Variants in VIT observed in about 807,000 individuals in gnomAD.
The protein encoded by VIT is vitrin.
VIT carries 99 observed loss-of-function variants against 78.0 expected under a neutral mutation model. That is an observed-to-expected ratio of 1.27 (90% CI 1.08 to 1.50). The LOEUF is 1.50. Ranked by LOEUF, VIT falls within the 40% of genes most tolerant of loss-of-function variation. The pLI, the probability that VIT is intolerant of heterozygous loss-of-function variation, is 0.00. For synonymous variants in VIT, 374 were observed against 334.3 expected, an observed-to-expected ratio of 1.12 and a Z score of -1.29; for missense variants, 1,126 against 875.3, an observed-to-expected ratio of 1.29 and a Z score of -3.61.
At chr2:36,765,606 G>A (rs150353294) in intron 6 of VIT, among the ~76,000 whole-genome samples, 1 of 152,284 alleles carries the variant, frequency 6.6e-6, no homozygotes, top group East Asian at 1.9e-4. Context: ...TGAGATTTGG[G>A]TGGGGACACG....
At chr2:36,787,046 G>C (rs765581896) in intron 11 of VIT, 83 bp from the exon 12 acceptor site, 37 of 1,543,050 alleles carry the variant, frequency 2.4e-5, no homozygotes, top group Non-Finnish European at 3.1e-5. Flanking sequence ...AGGGGGCTCT[G>C]ATGGAGAAAG....
At chr2:36,742,099 T>C (rs1667868515) in intron 3 of VIT, among the ~76,000 whole-genome samples, 1 of 152,176 alleles carries the variant, frequency 6.6e-6, no homozygotes, top group African/African-American at 2.4e-5. Flanking sequence ...CTCTGAAGAA[T>C]GGGGGCCAGA....
intron 6 of VIT, chr2:36,759,331 GC>G: frequency 7.0e-7 from 1 of 1,429,388 alleles, no homozygotes; most frequent in Non-Finnish European, 9.1e-7. Context: ...ATGTATTGTT[GC>G]TTTAGAAAAT....
At position 36,801,285 on chromosome 2, in the gene VIT, T is replaced by C. The variant is rs201569082; in HGVS notation, c.1059-16T>C. ...AACTTTGCAGCTAATTTGTATTTCT[T>C]GTTCTGACTCTTCAGAGACAACCCT... On this transcript the variant is annotated splice_polypyrimidine_tract_variant and intron_variant, in intron 12 of 15. Coordinates refer to ENST00000379242, the MANE Select transcript of VIT (RefSeq NM_053276.4). 1.7e-5 allele frequency: 27 copies of C among 1,604,814 alleles called. No individual in the cohort carries two copies. The highest frequency in any genetic ancestry group is 2.1e-5 in the Non-Finnish European group (25 of 1,171,740).
intron 12 of VIT, among the ~76,000 whole-genome samples, chr2:36,791,797 G>A (rs926632019): frequency 6.6e-6 from 1 of 152,190 alleles, no homozygotes; most frequent in Non-Finnish European, 1.5e-5. Flanking sequence ...GACCCACGTC[G>A]GACTTGGGAC....
At chr2:36,790,750 A>G (rs1426171047) in intron 12 of VIT, among the ~76,000 whole-genome samples, 1 of 152,228 alleles carries the variant, frequency 6.6e-6, no homozygotes, top group Non-Finnish European at 1.5e-5. Context: ...GAGTCTGGTA[A>G]TTGCTACTTT....
intron 3 of VIT, among the ~76,000 whole-genome samples, chr2:36,742,097 A>T (rs1395503834): frequency 1.3e-5 from 2 of 152,144 alleles, no homozygotes; most frequent in African/African-American, 2.4e-5. Context: ...CCCTCTGAAG[A>T]ATGGGGGCCA....
At chr2:36,755,917 T>G (rs560515426) in intron 5 of VIT, among the ~76,000 whole-genome samples, 1 of 152,070 alleles carries the variant, frequency 6.6e-6, no homozygotes, top group South Asian at 2.1e-4. Flanking sequence ...CCTTCAAGCT[T>G]TTGACATGTT....
At chr2:36,795,346 TTTTATTTTATTTTATTTTA>T (rs1293887863) in intron 12 of VIT, among the ~76,000 whole-genome samples, 3 of 83,174 alleles carry the variant, frequency 3.6e-5, no homozygotes, top group African/African-American at 1.2e-4. Context: ...CTCTGCCTTA[TTTTATTTTATTTTATTTTA>T]TTTATTTTAT....
intron 12 of VIT, among the ~76,000 whole-genome samples, chr2:36,790,267 G>A (rs1044195676): frequency 1.3e-5 from 2 of 152,122 alleles, no homozygotes. Context: ...TCACAGGACT[G>A]ATGAGACATT....
chr2:36,797,502 T>C (rs1665991140), intron 12 of VIT, among the ~76,000 whole-genome samples: 1 of 151,978 alleles, frequency 6.6e-6, no homozygotes, highest in African/African-American at 2.4e-5. Flanking sequence ...GCTGGATGAC[T>C]GAGTGAGTCA....
intron 12 of VIT, among the ~76,000 whole-genome samples, chr2:36,799,718 G>GA (rs11444036): frequency 0.79 from 114,165 of 144,660 alleles, 44,982 homozygotes; most frequent in East Asian, 0.99. Context: ...CCCTGTCTCT[G>GA]AAAAAAAAAA....
chr2:36,718,864 C>T (rs1027231538), intron 2 of VIT, among the ~76,000 whole-genome samples: 3 of 152,220 alleles, frequency 2.0e-5, no homozygotes, highest in Non-Finnish European at 2.9e-5. Flanking sequence ...GGAACTACAA[C>T]TTGAAAGCAC....
chr2:36,705,995 A>G (rs1421382208), intron 1 of VIT, among the ~76,000 whole-genome samples: 1 of 152,172 alleles, frequency 6.6e-6, no homozygotes, highest in Non-Finnish European at 1.5e-5. Flanking sequence ...ACACTATTAT[A>G]TGTCTCCTGC....
intron 12 of VIT, among the ~76,000 whole-genome samples, chr2:36,790,726 C>T (rs1321067595): frequency 6.6e-6 from 1 of 152,220 alleles, no homozygotes; most frequent in Non-Finnish European, 1.5e-5. Flanking sequence ...AGATTTCGCT[C>T]ATCTGCCAGG....
intron 9 of VIT, among the ~76,000 whole-genome samples, chr2:36,778,985 C>G (rs571163763): frequency 1.3e-5 from 2 of 152,356 alleles, no homozygotes; most frequent in South Asian, 4.1e-4. Context: ...GTTTGCAGCT[C>G]TTGCTTGGGT....
intron 5 of VIT, among the ~76,000 whole-genome samples, chr2:36,756,696 G>A (rs1448321357): frequency 6.6e-6 from 1 of 152,176 alleles, no homozygotes; most frequent in East Asian, 1.9e-4. Context: ...GCAGTACTGT[G>A]GGGTTTTTGC....
rs151280914 is a variant in VIT, at chr2:36,807,383, G to A, written c.1390-1089G>A. ...TAGTCTCCCATCCACACCCAGCACC[G>A]CCTCTGTCTCCTGCTGTGACTTCAC... is the stretch of plus-strand genomic sequence containing the variant. On this transcript the variant is annotated intron_variant, in intron 14 of 15. Coordinates refer to ENST00000379242, the MANE Select transcript of VIT (RefSeq NM_053276.4). 6.6e-3 allele frequency among the ~76,000 whole-genome samples: 999 copies of A among 152,136 alleles called. 3 individuals carry two copies. The highest frequency in any genetic ancestry group is 0.013 in the South Asian group (61 of 4,820).
At chr2:36,752,124 G>A (rs114816268) in intron 4 of VIT, among the ~76,000 whole-genome samples, 1 of 152,168 alleles carries the variant, frequency 6.6e-6, no homozygotes, top group African/African-American at 2.4e-5. Flanking sequence ...AGAGGTCTTA[G>A]TACAAGAAAT....
Sources: gnomAD v4.1 joint callset for allele counts (sites outside exome capture counted in the v4.1 genomes callset) on GRCh38, gnomAD v4.1.1 for gene constraint, MANE v1.5 for transcripts, NCBI Gene and HGNC (gene_info 2026-07-23, HGNC 2026-07-21) for gene names.